SORCS1: variants seen among roughly 807,000 people sequenced by gnomAD.
SORCS1 encodes VPS10 domain-containing receptor SorCS1.
Under a neutral mutation model 146.1 loss-of-function variants are expected in SORCS1, and 60 were observed. The observed-to-expected ratio is 0.41, with a 90% CI of 0.33 to 0.51. The LOEUF (loss-of-function observed/expected upper bound fraction) is 0.51, where lower values mean the gene tolerates loss of function less well. Ranked by LOEUF, SORCS1 falls within the 20% of genes least tolerant of loss-of-function variation. The probability of loss-of-function intolerance (pLI) is 0.21; values close to 1 mark genes in which losing one functional copy is unlikely to be tolerated. For missense variants in SORCS1, 1,352 were observed against 1,487.6 expected (o/e 0.91, Z 1.50); for synonymous variants, 637 against 584.0 (o/e 1.09, Z -1.31).
intron 1 of SORCS1, among the ~76,000 whole-genome samples, chr10:106,978,043 A>C (rs1407456572): frequency 6.6e-6 from 1 of 152,172 alleles, no homozygotes; most frequent in Non-Finnish European, 1.5e-5. Flanking sequence ...TCCTGGGTTC[A>C]AGCGATTCTC....
chr10:106,589,263 TAA>T (rs1361878404), intron 24 of SORCS1, among the ~76,000 whole-genome samples: 2 of 152,206 alleles, frequency 1.3e-5, no homozygotes. Flanking sequence ...CCTTCTCAAA[TAA>T]AAGTCAGTGT....
At chr10:107,028,088 G>A (rs554692129) in intron 1 of SORCS1, among the ~76,000 whole-genome samples, 5 of 152,250 alleles carry the variant, frequency 3.3e-5, no homozygotes, top group East Asian at 3.9e-4. Context: ...GTATTTTATC[G>A]CTCATGAATT....
At chr10:107,090,251 G>A (rs534553841) in intron 1 of SORCS1, among the ~76,000 whole-genome samples, 30 of 152,306 alleles carry the variant, frequency 2.0e-4, no homozygotes, top group African/African-American at 7.0e-4. Flanking sequence ...GAACCCTGGA[G>A]AAGCATAGGA....
intron 1 of SORCS1, among the ~76,000 whole-genome samples, chr10:107,087,268 G>A (rs770352292): frequency 6.6e-6 from 1 of 152,022 alleles, no homozygotes; most frequent in African/African-American, 2.4e-5. Context: ...TATCAGAGGG[G>A]TCAAACAATC....
intron 1 of SORCS1, among the ~76,000 whole-genome samples, chr10:107,013,939 C>T (rs530561789): frequency 6.6e-6 from 1 of 152,244 alleles, no homozygotes; most frequent in South Asian, 2.1e-4. Flanking sequence ...CCAGTTATTT[C>T]TGGCTACCCT....
intron 1 of SORCS1, among the ~76,000 whole-genome samples, chr10:107,101,369 C>G (rs537507861): frequency 6.6e-6 from 1 of 152,264 alleles, no homozygotes; most frequent in South Asian, 2.1e-4. Context: ...TTTGTAGAAA[C>G]ATGGTCTCAC....
chr10:106,615,622 T>C (rs908165785), intron 21 of SORCS1, among the ~76,000 whole-genome samples: 2 of 152,130 alleles, frequency 1.3e-5, no homozygotes, highest in Admixed American at 6.6e-5. Flanking sequence ...GAGACCAGCC[T>C]GGGCAACATA....
intron 24 of SORCS1, among the ~76,000 whole-genome samples, chr10:106,593,734 C>G (rs1011428390): frequency 2.0e-5 from 3 of 152,202 alleles, no homozygotes; most frequent in South Asian, 4.1e-4. Flanking sequence ...TTTTCTCACT[C>G]TCTCCAAATT....
chr10:107,162,024 C>T (rs1969747931), intron 1 of SORCS1, among the ~76,000 whole-genome samples: 1 of 152,154 alleles, frequency 6.6e-6, no homozygotes, highest in African/African-American at 2.4e-5. Flanking sequence ...GACCTGCCTG[C>T]ATGTTCAATG....
intron 1 of SORCS1, among the ~76,000 whole-genome samples, chr10:107,147,950 C>T (rs535978748): frequency 6.6e-6 from 1 of 152,080 alleles, no homozygotes; most frequent in Admixed American, 6.6e-5. Flanking sequence ...TTGGAGAAAT[C>T]GTCAGACAGG....
intron 23 of SORCS1, among the ~76,000 whole-genome samples, chr10:106,598,446 G>C (rs1009772444): frequency 1.3e-4 from 20 of 151,734 alleles, no homozygotes; most frequent in Non-Finnish European, 2.2e-4. Context: ...ATTTTTAGTA[G>C]AGATGGGATT....
rs895098718 is a variant in SORCS1 at position 106,952,403 on chromosome 10, C to T, written c.626+4110G>A. Reference sequence around the variant, plus strand: ...CTCAGAACCATAAGGCTTTCTCTTCCTGAGCCCTGTCCTCTACCCACCCAG... The same window carrying T: ...CTCAGAACCATAAGGCTTTCTCTTCTTGAGCCCTGTCCTCTACCCACCCAG... On this transcript the variant is annotated intron_variant, in intron 2 of 25. Coordinates refer to ENST00000263054, the MANE Select transcript of SORCS1 (RefSeq NM_052918.5). Among the ~76,000 whole-genome samples, 4 of 152,006 alleles carry T rather than the reference C, an allele frequency of 2.6e-5. No homozygotes were observed. The South Asian group carries it at 8.3e-4, about 32-fold the overall frequency.
At chr10:106,626,532 C>T (rs1848125015) in intron 19 of SORCS1, among the ~76,000 whole-genome samples, 2 of 152,176 alleles carry the variant, frequency 1.3e-5, no homozygotes, top group Admixed American at 1.3e-4. Context: ...TGACACCCTC[C>T]ATCTTTAAGA....
intron 3 of SORCS1, among the ~76,000 whole-genome samples, chr10:106,816,747 T>C (rs2136868752): frequency 6.6e-6 from 1 of 152,278 alleles, no homozygotes; most frequent in East Asian, 1.9e-4. Context: ...CTCTTCTTGT[T>C]TGAAAAAAAT....
At chr10:106,745,147 G>A (rs147625418) in intron 5 of SORCS1, among the ~76,000 whole-genome samples, 1,757 of 152,214 alleles carry the variant, frequency 0.012, 21 homozygotes, top group Non-Finnish European at 0.016. Context: ...GGCCAGGTGC[G>A]GTGGTTCACA....
At chr10:106,698,973 C>T (rs1369721135) in intron 9 of SORCS1, among the ~76,000 whole-genome samples, 1 of 152,180 alleles carries the variant, frequency 6.6e-6, no homozygotes, top group Non-Finnish European at 1.5e-5. Flanking sequence ...TCCGCAAGTC[C>T]ACAAAGCCTT....
intron 19 of SORCS1, among the ~76,000 whole-genome samples, chr10:106,625,200 CTGTGTGTGTGTGTGTGTGTGTGTG>C (rs3044907): frequency 3.6e-5 from 5 of 140,036 alleles, no homozygotes; most frequent in African/African-American, 2.6e-5. Flanking sequence ...TTGTGTGATT[CTGTGTGTGTGTGTGTGTGTGTGTG>C]TGTGTGTGTG....
chr10:106,638,976 C>T (rs1159898796), intron 18 of SORCS1, among the ~76,000 whole-genome samples: 5 of 152,132 alleles, frequency 3.3e-5, no homozygotes, highest in African/African-American at 1.2e-4. Context: ...CATTATTGTG[C>T]ATCCACATAT....
chr10:107,059,535 C>T (rs1017437321), intron 1 of SORCS1, among the ~76,000 whole-genome samples: 1 of 152,086 alleles, frequency 6.6e-6, no homozygotes. Context: ...CCCAGTAAAA[C>T]AAGAAGCCCA....
Sources: gnomAD v4.1 joint callset for allele counts (sites outside exome capture counted in the v4.1 genomes callset) on GRCh38, gnomAD v4.1.1 for gene constraint, MANE v1.5 for transcripts, NCBI Gene and HGNC (gene_info 2026-07-23, HGNC 2026-07-21) for gene names.